SIL1: variants seen among roughly 807,000 people sequenced by gnomAD.
The protein encoded by SIL1 is nucleotide exchange factor SIL1.
A neutral mutation model predicts 49.1 loss-of-function variants in SIL1; 40 were observed. The observed-to-expected ratio is 0.81, with a 90% confidence interval of 0.63 to 1.06. The LOEUF is 1.06. Among genes scored for constraint, SIL1 ranks in the 50% least tolerant of loss-of-function variants. The pLI is 0.00. For missense variants in SIL1, 500 were observed against 572.6 expected (o/e 0.87, Z 1.29); for synonymous variants, 253 against 250.8 (o/e 1.01, Z -0.08).
intron 1 of SIL1, among the ~76,000 whole-genome samples, chr5:139,197,200 G>A (rs1208268163): frequency 7.3e-5 from 11 of 150,392 alleles, no homozygotes; most frequent in South Asian, 2.1e-4. Flanking sequence ...CCTGGGAGGC[G>A]GAGGTTGCTG....
At chr5:138,963,173 T>C (rs73790394) in intron 7 of SIL1, among the ~76,000 whole-genome samples, 4,490 of 152,206 alleles carry the variant, frequency 0.029, 220 homozygotes, top group African/African-American at 0.1. Flanking sequence ...GGCCAGACCC[T>C]GCAGGGCAAG....
chr5:139,107,202 G>C (rs921900413), intron 3 of SIL1, among the ~76,000 whole-genome samples: 2 of 152,166 alleles, frequency 1.3e-5, no homozygotes, highest in South Asian at 4.1e-4. Context: ...GTGCTTAAGA[G>C]GCAGGTGTTG....
intron 3 of SIL1, among the ~76,000 whole-genome samples, chr5:139,052,937 A>G (rs893190935): frequency 6.6e-6 from 1 of 152,200 alleles, no homozygotes; most frequent in African/African-American, 2.4e-5. Context: ...GCCTGGGTTC[A>G]TATTCCTAGG....
In SIL1 at chr5:139,127,871, G is replaced by C; in HGVS notation, c.-10-18C>G. On this transcript the variant is annotated intron_variant, in intron 1 of 9. Transcript: ENST00000394817. ...TCAGGGACCTGCAGGTGCAAGCATAGACAACAGAAGGTCAATGAAAAGCTA... is the reference window on the plus strand; with the variant it reads ...TCAGGGACCTGCAGGTGCAAGCATACACAACAGAAGGTCAATGAAAAGCTA... The C allele has an allele frequency of 6.8e-7, 1 of 1,473,282 alleles. No homozygotes were observed. The allele number at this position is 1,473,282 out of a possible 1,614,324, so 91.3% of individuals were successfully genotyped here. A position where few individuals can be genotyped will look rare whatever the true frequency, so the allele number is the denominator to read the frequency against.
At chr5:139,010,038 G>T (rs1768217844) in intron 7 of SIL1, among the ~76,000 whole-genome samples, 1 of 150,752 alleles carries the variant, frequency 6.6e-6, no homozygotes, top group African/African-American at 2.4e-5. Flanking sequence ...AGTTCTCCTG[G>T]ATAATATCCT....
At chr5:139,111,543 G>A (rs975992735) in intron 3 of SIL1, among the ~76,000 whole-genome samples, 1 of 152,110 alleles carries the variant, frequency 6.6e-6, no homozygotes, top group African/African-American at 2.4e-5. Flanking sequence ...CCTGTAGGGG[G>A]TCCTCCATCA....
chr5:139,123,512 G>T (rs1410440977), intron 2 of SIL1, among the ~76,000 whole-genome samples: 1 of 152,210 alleles, frequency 6.6e-6, no homozygotes, highest in East Asian at 1.9e-4. Flanking sequence ...GTCTGCTCCA[G>T]GTACTTGCCT....
At chr5:139,171,793 C>T (rs1751777907) in intron 1 of SIL1, among the ~76,000 whole-genome samples, 2 of 150,752 alleles carry the variant, frequency 1.3e-5, no homozygotes, top group South Asian at 4.3e-4. Context: ...GGCAGATCTA[C>T]TAGACAAAGA....
chr5:139,095,768 C>T (rs11741150), intron 3 of SIL1, among the ~76,000 whole-genome samples: 40,439 of 151,752 alleles, frequency 0.27, 6,166 homozygotes, highest in Middle Eastern at 0.4. Flanking sequence ...GTCAAGGCTG[C>T]GGTGAGTCGT....
chr5:138,955,333 GT>G (rs1181241453), intron 7 of SIL1, among the ~76,000 whole-genome samples: 1 of 152,206 alleles, frequency 6.6e-6, no homozygotes, highest in Non-Finnish European at 1.5e-5. Flanking sequence ...TTACTGGGAT[GT>G]TCACAATCAG....
At chr5:138,967,836 A>AG (rs1267261440) in intron 7 of SIL1, among the ~76,000 whole-genome samples, 1 of 151,706 alleles carries the variant, frequency 6.6e-6, no homozygotes, top group Non-Finnish European at 1.5e-5. Context: ...TAGAGTCTTG[A>AG]GGAAAAAATT....
rs367760515 is a variant in SIL1, at chr5:138,955,467, CA to C, written c.768-3584del. On this transcript the variant is annotated intron_variant, in intron 7 of 9. Coordinates refer to ENST00000394817, the MANE Select transcript of SIL1 (RefSeq NM_022464.5). ...TGGAAGTGATTGCATTTGCAAAAAC[CA>C]AAGAGTTTGGGTCAGGGTGACAGCA... 2.4e-4 allele frequency among the ~76,000 whole-genome samples: 37 copies of C among 152,210 alleles called. No individual in the cohort carries two copies. In the East Asian group the frequency reaches 6.8e-3, roughly 28 times the overall value.
intron 7 of SIL1, 75 bp from the exon 8 acceptor site, chr5:138,951,959 G>T: frequency 7.8e-7 from 1 of 1,286,582 alleles, no homozygotes; most frequent in Non-Finnish European, 1.1e-6. Flanking sequence ...CTGAGCCCAT[G>T]TCAGCCATCC....
intron 5 of SIL1, among the ~76,000 whole-genome samples, chr5:139,029,801 G>T (rs10037106): frequency 0.43 from 65,374 of 151,026 alleles, 15,265 homozygotes; most frequent in African/African-American, 0.63. Flanking sequence ...ACCCAGCCAA[G>T]TTTTTAGTTT....
chr5:139,004,156 C>T (rs1768057088), intron 7 of SIL1, among the ~76,000 whole-genome samples: 1 of 152,128 alleles, frequency 6.6e-6, no homozygotes, highest in African/African-American at 2.4e-5. Context: ...TTATTATTCG[C>T]CTGCTTTAAT....
At chr5:139,106,724 A>T (rs952764738) in intron 3 of SIL1, among the ~76,000 whole-genome samples, 1 of 152,246 alleles carries the variant, frequency 6.6e-6, no homozygotes, top group Non-Finnish European at 1.5e-5. Flanking sequence ...GCTTTCTTCT[A>T]CAAACCCTGC....
intron 3 of SIL1, among the ~76,000 whole-genome samples, chr5:139,112,402 G>C (rs1770873832): frequency 6.6e-6 from 1 of 151,830 alleles, no homozygotes; most frequent in Admixed American, 6.6e-5. Flanking sequence ...GAAGTGAGGA[G>C]CGTCTCTGCC....
intron 3 of SIL1, among the ~76,000 whole-genome samples, chr5:139,071,213 A>AGGG (rs1769827075): frequency 1.5e-5 from 2 of 132,494 alleles, no homozygotes; most frequent in Non-Finnish European, 3.2e-5. Flanking sequence ...AAAAAAAAGC[A>AGGG]GGGGGTGGGG....
At chr5:139,012,541 C>T (rs544141875) in intron 7 of SIL1, 24 of 152,288 alleles carry the variant, frequency 1.6e-4, no homozygotes, top group African/African-American at 5.8e-4. Flanking sequence ...CAAAACAATA[C>T]CATTTTCACA....
Sources: gnomAD v4.1 joint callset for allele counts (sites outside exome capture counted in the v4.1 genomes callset) on GRCh38, gnomAD v4.1.1 for gene constraint, MANE v1.5 for transcripts, NCBI Gene and HGNC (gene_info 2026-07-23, HGNC 2026-07-21) for gene names.